The following SCHIP1 variants were observed in gnomAD, a reference collection of about 807,000 sequenced individuals.
The protein encoded by SCHIP1 is schwannomin interacting protein 1, also known as schwannomin-interacting protein 1.
SCHIP1 carries 8 observed loss-of-function variants against 29.7 expected under a neutral mutation model. That is an observed-to-expected ratio of 0.27 (90% CI 0.16 to 0.49). SCHIP1 has a LOEUF of 0.49. SCHIP1 is among the 20% of genes least tolerant of loss of function. The probability of loss-of-function intolerance (pLI) is 0.99; values close to 1 mark genes in which losing one functional copy is unlikely to be tolerated. For missense variants in SCHIP1, 193 were observed against 294.6 expected (o/e 0.66, Z 2.52); for synonymous variants, 76 against 94.9 (o/e 0.80, Z 1.16).
chr3:159,336,670 T>A, the SCHIP1 span, among the ~76,000 whole-genome samples: 1 of 152,202 alleles, frequency 6.6e-6, no homozygotes, highest in Non-Finnish European at 1.5e-5. Flanking sequence ...GTGGTATTAT[T>A]TCTGAGGGCT....
chr3:159,511,956 C>A, the SCHIP1 span, among the ~76,000 whole-genome samples: 1 of 152,070 alleles, frequency 6.6e-6, no homozygotes. Context: ...TCTTAACACA[C>A]CAAAATAACA....
the SCHIP1 span, among the ~76,000 whole-genome samples, chr3:159,304,966 C>G: frequency 6.6e-6 from 1 of 152,314 alleles, no homozygotes; most frequent in Admixed American, 6.5e-5. Flanking sequence ...ACCCCGATCC[C>G]TCCCTGCTGC....
chr3:159,785,509 C>A, the SCHIP1 span, among the ~76,000 whole-genome samples: 1 of 151,964 alleles, frequency 6.6e-6, no homozygotes, highest in Non-Finnish European at 1.5e-5. Flanking sequence ...TTGGCCTCAC[C>A]CTGGTAAATG....
At chr3:159,795,854 T>C in the SCHIP1 span, among the ~76,000 whole-genome samples, 2 of 152,052 alleles carry the variant, frequency 1.3e-5, no homozygotes, top group African/African-American at 4.8e-5. Flanking sequence ...CGGAAGCCAA[T>C]AGTAAGAGGG....
At chr3:159,513,728 AAGCCTGTTTCCAC>A in the SCHIP1 span, among the ~76,000 whole-genome samples, 1 of 152,214 alleles carries the variant, frequency 6.6e-6, no homozygotes, top group Non-Finnish European at 1.5e-5. Flanking sequence ...ACGGCACAGA[AAGCCTGTTTCCAC>A]AGCTGATGCT....
chr3:159,527,733 G>GC, the SCHIP1 span, among the ~76,000 whole-genome samples: 1 of 152,040 alleles, frequency 6.6e-6, no homozygotes, highest in South Asian at 2.1e-4. Flanking sequence ...TGCATTTGGA[G>GC]TAGTTTTTTT....
chr3:159,589,850 A>G, the SCHIP1 span, among the ~76,000 whole-genome samples: 1 of 136,334 alleles, frequency 7.3e-6, no homozygotes, highest in African/African-American at 3.8e-5. Context: ...CCAAATATCA[A>G]CAAGTGAACC....
chr3:159,754,746 A>G, the SCHIP1 span, among the ~76,000 whole-genome samples: 1 of 152,216 alleles, frequency 6.6e-6, no homozygotes, highest in Admixed American at 6.5e-5. Flanking sequence ...GCCAAGATGT[A>G]CAGTCTCCCT....
At chr3:159,764,597 C>T in the SCHIP1 span, 1 of 1,609,198 alleles carries the variant, frequency 6.2e-7, no homozygotes, top group South Asian at 1.1e-5. The surrounding 1 kb of genome is among the most constrained non-coding windows in gnomAD (Gnocchi z 6.1). Context: ...TTGGTGTCTG[C>T]CCTGGAGGAC....
chr3:159,756,530 A>G, the SCHIP1 span, among the ~76,000 whole-genome samples: 1 of 152,206 alleles, frequency 6.6e-6, no homozygotes, highest in Non-Finnish European at 1.5e-5. Context: ...AGGGGCTGCT[A>G]TGAAGACCTA....
At chr3:159,312,383 G>A in the SCHIP1 span, among the ~76,000 whole-genome samples, 8 of 152,118 alleles carry the variant, frequency 5.3e-5, no homozygotes, top group African/African-American at 1.9e-4. Context: ...CTTGGCACAA[G>A]AAAGGAAGCC....
chr3:159,495,360 A>C, the SCHIP1 span, among the ~76,000 whole-genome samples: 1 of 152,214 alleles, frequency 6.6e-6, no homozygotes, highest in Non-Finnish European at 1.5e-5. Flanking sequence ...AGAAAACCCC[A>C]TTGTCTCAGC....
the SCHIP1 span, among the ~76,000 whole-genome samples, chr3:159,712,064 C>T: frequency 6.6e-6 from 1 of 152,126 alleles, no homozygotes; most frequent in South Asian, 2.1e-4. Context: ...ACCTTTTGAC[C>T]CTTACAAAGC....
chr3:159,731,066 C>T, the SCHIP1 span, among the ~76,000 whole-genome samples: 9 of 152,236 alleles, frequency 5.9e-5, no homozygotes, highest in South Asian at 4.2e-4. Context: ...CGCCAAATTC[C>T]GTTTTTAAAA....
the SCHIP1 span, among the ~76,000 whole-genome samples, chr3:159,448,721 T>A: frequency 6.6e-6 from 1 of 152,186 alleles, no homozygotes; most frequent in Non-Finnish European, 1.5e-5. Flanking sequence ...GATTGTGTCA[T>A]CCCTGTGCTA....
At chr3:159,397,016 G>T in the SCHIP1 span, among the ~76,000 whole-genome samples, 1 of 139,636 alleles carries the variant, frequency 7.2e-6, no homozygotes, top group African/African-American at 2.5e-5. Context: ...GGCTTTGCTC[G>T]TTTCTTTTTA....
the SCHIP1 span, among the ~76,000 whole-genome samples, chr3:159,636,512 G>A: frequency 6.6e-6 from 1 of 152,160 alleles, no homozygotes; most frequent in Non-Finnish European, 1.5e-5. Context: ...TCAATTTCAG[G>A]ACCTAAAAGT....
chr3:159,624,629 G>A, the SCHIP1 span, among the ~76,000 whole-genome samples: 25 of 152,288 alleles, frequency 1.6e-4, no homozygotes, highest in African/African-American at 4.3e-4. Context: ...ACCTAAGGCC[G>A]TGGAGATTGG....
chr3:159,640,544 C>T, the SCHIP1 span, among the ~76,000 whole-genome samples: 2 of 152,072 alleles, frequency 1.3e-5, no homozygotes, highest in Non-Finnish European at 2.9e-5. Flanking sequence ...TATACGTGTA[C>T]ACACAAAAAA....
Sources: allele counts gnomAD v4.1 joint callset (sites outside exome capture counted in the v4.1 genomes callset), GRCh38; gene constraint gnomAD v4.1.1; non-coding constraint Gnocchi (gnomAD v3.1); transcripts MANE v1.5; gene names NCBI Gene and HGNC (gene_info 2026-07-23, HGNC 2026-07-21).